Variants in NAALADL2 observed in about 807,000 individuals in gnomAD.
NAALADL2 encodes inactive N-acetylated-alpha-linked acidic dipeptidase-like protein 2.
NAALADL2 carries 76 observed loss-of-function variants against 87.2 expected under a neutral mutation model. The ratio of observed to expected loss-of-function variants is 0.87; its 90% CI spans 0.72 to 1.05. The LOEUF (loss-of-function observed/expected upper bound fraction) is 1.05. NAALADL2 is among the 50% of genes least tolerant of loss of function. The pLI is 0.00. For synonymous variants in NAALADL2, 354 were observed against 331.0 expected (o/e 1.07, Z -0.75); for missense variants, 1,089 against 945.8 (o/e 1.15, Z -1.99).
At chr3:174,987,437 C>T (rs571307868) in intron 1 of NAALADL2, among the ~76,000 whole-genome samples, 9 of 146,724 alleles carry the variant, frequency 6.1e-5, no homozygotes, top group South Asian at 4.4e-4. Flanking sequence ...GGCGTAGTGG[C>T]GGGCGCCTGT....
At chr3:174,872,451 C>T (rs1046579802) in intron 1 of NAALADL2, among the ~76,000 whole-genome samples, 4 of 152,084 alleles carry the variant, frequency 2.6e-5, no homozygotes, top group African/African-American at 9.7e-5. Context: ...GAGATAGGCT[C>T]CTTCAGTTGC....
chr3:174,568,930 A>G (rs1304779094), intron 2 of NAALADL2, among the ~76,000 whole-genome samples: 1 of 151,574 alleles, frequency 6.6e-6, no homozygotes, highest in African/African-American at 2.4e-5. Flanking sequence ...TCTTTAAATT[A>G]TACCATTATA....
chr3:175,403,948 G>C (rs1229068313), intron 5 of NAALADL2, among the ~76,000 whole-genome samples: 1 of 151,976 alleles, frequency 6.6e-6, no homozygotes, highest in Non-Finnish European at 1.5e-5. Flanking sequence ...TTTCTTCCAG[G>C]TCTTGGGAAT....
chr3:175,051,926 G>A (rs543078674), intron 1 of NAALADL2, among the ~76,000 whole-genome samples: 1 of 152,326 alleles, frequency 6.6e-6, no homozygotes, highest in Non-Finnish European at 1.5e-5. Context: ...CTCGGCTGGG[G>A]AGACCCTCAA....
intron 1 of NAALADL2, among the ~76,000 whole-genome samples, chr3:175,094,507 C>G (rs989772099): frequency 6.6e-6 from 1 of 151,896 alleles, no homozygotes; most frequent in Non-Finnish European, 1.5e-5. Flanking sequence ...CCTAACCTAT[C>G]TGAATAGCTA....
chr3:175,695,143 A>C (rs777700260), intron 11 of NAALADL2, among the ~76,000 whole-genome samples: 25 of 151,708 alleles, frequency 1.6e-4, no homozygotes, highest in Non-Finnish European at 2.2e-4. Context: ...TTTTATGTAG[A>C]GTAATCTTTT....
At chr3:175,292,594 A>AC (rs1755770277) in intron 4 of NAALADL2, among the ~76,000 whole-genome samples, 1 of 874 alleles carries the variant, frequency 1.1e-3, no homozygotes, top group South Asian at 0.062. Flanking sequence ...GAGTTGGGAT[A>AC]CACACACACA....
chr3:175,589,987 C>T (rs528381657), intron 10 of NAALADL2, among the ~76,000 whole-genome samples: 1 of 151,902 alleles, frequency 6.6e-6, no homozygotes, highest in Non-Finnish European at 1.5e-5. Context: ...CCGAGGCAGG[C>T]GGGTCACGAG....
chr3:175,551,637 C>T (rs1049403045), intron 9 of NAALADL2, among the ~76,000 whole-genome samples: 2 of 152,162 alleles, frequency 1.3e-5, no homozygotes, highest in Non-Finnish European at 2.9e-5. Flanking sequence ...CGGTGACTCA[C>T]GCCTGTAATC....
intron 11 of NAALADL2, among the ~76,000 whole-genome samples, chr3:175,733,567 C>T (rs1185468050): frequency 6.6e-6 from 1 of 152,064 alleles, no homozygotes; most frequent in Admixed American, 6.5e-5. Context: ...TATCATTGCA[C>T]CCCTGGCCCC....
intron 1 of NAALADL2, among the ~76,000 whole-genome samples, chr3:174,942,265 AG>A (rs1421839681): frequency 6.6e-6 from 1 of 152,180 alleles, no homozygotes; most frequent in Non-Finnish European, 1.5e-5. Flanking sequence ...ACCTGAAAAA[AG>A]ATCTTATTTT....
chr3:175,026,351 A>G (rs1752221770), intron 1 of NAALADL2, among the ~76,000 whole-genome samples: 1 of 151,962 alleles, frequency 6.6e-6, no homozygotes, highest in South Asian at 2.1e-4. Flanking sequence ...CAGAAAATAT[A>G]TCTAAAAAGT....
intron 3 of NAALADL2, among the ~76,000 whole-genome samples, chr3:174,775,024 CG>C (rs1361254491): frequency 4.6e-5 from 7 of 151,970 alleles, no homozygotes; most frequent in African/African-American, 1.7e-4. Context: ...CACATGTCTT[CG>C]CACAGTTCCT....
intron 2 of NAALADL2, among the ~76,000 whole-genome samples, chr3:174,632,322 G>A (rs974524015): frequency 3.3e-5 from 5 of 152,192 alleles, no homozygotes; most frequent in African/African-American, 4.8e-5. Context: ...GCAGTAAAGA[G>A]AGGAGTTTTA....
chr3:174,697,119 TA>T (rs35909651), intron 2 of NAALADL2, among the ~76,000 whole-genome samples: 64,829 of 151,976 alleles, frequency 0.43, 14,770 homozygotes, highest in East Asian at 0.73. Context: ...GACTTTGCAG[TA>T]AAAAAATACG....
intron 11 of NAALADL2, among the ~76,000 whole-genome samples, chr3:175,726,262 C>CAAA (rs58311186): frequency 3.0e-5 from 4 of 131,344 alleles, no homozygotes; most frequent in Admixed American, 1.6e-4. Flanking sequence ...TACATTTGAC[C>CAAA]AAAAAAAAAA....
At position 175,805,092 on chromosome 3, in the gene NAALADL2, A is replaced by C. The variant is rs1048778719; in HGVS notation, c.*1889A>C. ...GAGGTGGGAATACACAAGCAGGTGC[A>C]TGTAAGCCCAAAAGCTAGAAAGCCT... On this transcript the variant is annotated 3_prime_UTR_variant, in exon 14 of 14. Transcript: ENST00000454872. The C allele has an allele frequency of 1.3e-5, 2 of 151,664 alleles. No individual in the cohort carries two copies. The highest frequency in any genetic ancestry group is 4.9e-5 in the African/African-American group (2 of 41,136). 9.4% of individuals were successfully genotyped at this position (151,664 alleles called of 1,614,324 possible).
intron 10 of NAALADL2, among the ~76,000 whole-genome samples, chr3:175,602,454 G>A: frequency 1.3e-5 from 1 of 77,238 alleles, no homozygotes; most frequent in South Asian, 6.4e-4. Context: ...TTGTATGTGT[G>A]TATCTATATA....
chr3:175,160,403 C>CTTTTTTTTTTTT (rs1733008220), intron 2 of NAALADL2, among the ~76,000 whole-genome samples: 1 of 34,538 alleles, frequency 2.9e-5, no homozygotes, highest in Non-Finnish European at 5.2e-5. Context: ...TAGAGGTTTG[C>CTTTTTTTTTTTT]TCTTGTTGCC....
Sources: allele counts gnomAD v4.1 joint callset (sites outside exome capture counted in the v4.1 genomes callset), GRCh38; gene constraint gnomAD v4.1.1; transcripts MANE v1.5; gene names NCBI Gene and HGNC (gene_info 2026-07-23, HGNC 2026-07-21).